The following SCFD2 variants were observed in gnomAD, a reference collection of about 807,000 sequenced individuals.
SCFD2 encodes the protein sec1 family domain-containing protein 2.
Under a neutral mutation model 58.9 loss-of-function variants are expected in SCFD2, and 54 were observed. The observed-to-expected ratio is 0.92, with a 90% CI of 0.74 to 1.15. The LOEUF is 1.15. Among genes scored for constraint, SCFD2 ranks in the 50% most tolerant of loss-of-function variants. The pLI is 0.00. For missense variants in SCFD2, 805 were observed against 836.6 expected (o/e 0.96, Z 0.47); for synonymous variants, 321 against 335.9 (o/e 0.96, Z 0.49).
At chr4:53,005,407 A>G (rs921349424) in intron 5 of SCFD2, among the ~76,000 whole-genome samples, 5 of 152,204 alleles carry the variant, frequency 3.3e-5, no homozygotes, top group African/African-American at 1.2e-4. Context: ...CTGCTCAGCA[A>G]AGAACAAGAG....
At chr4:53,282,753 A>G (rs2149078333) in intron 3 of SCFD2, among the ~76,000 whole-genome samples, 1 of 152,338 alleles carries the variant, frequency 6.6e-6, no homozygotes, top group East Asian at 1.9e-4. Flanking sequence ...ATAATATTCA[A>G]GTAAATTCAG....
intron 2 of SCFD2, among the ~76,000 whole-genome samples, chr4:53,314,445 C>A (rs1732795742): frequency 6.6e-6 from 1 of 152,312 alleles, no homozygotes; most frequent in East Asian, 1.9e-4. Flanking sequence ...CTGTCTCACC[C>A]AACATGCTAT....
chr4:53,167,947 T>C (rs1178832724), intron 4 of SCFD2, among the ~76,000 whole-genome samples: 2 of 152,214 alleles, frequency 1.3e-5, no homozygotes, highest in African/African-American at 4.8e-5. Flanking sequence ...TGGAGTAATA[T>C]GAGGCTGGAT....
chr4:53,244,548 G>A (rs1730001924), intron 4 of SCFD2, among the ~76,000 whole-genome samples: 1 of 152,196 alleles, frequency 6.6e-6, no homozygotes, highest in African/African-American at 2.4e-5. Flanking sequence ...AAACTAATGA[G>A]AATAAAGATA....
At chr4:53,278,801 T>C (rs1731414498) in intron 3 of SCFD2, among the ~76,000 whole-genome samples, 1 of 149,542 alleles carries the variant, frequency 6.7e-6, no homozygotes, top group Non-Finnish European at 1.5e-5. Flanking sequence ...TAGGTATAAA[T>C]CACGACAGCA....
At chr4:53,062,130 G>C (rs1284707121) in intron 5 of SCFD2, among the ~76,000 whole-genome samples, 23 of 151,784 alleles carry the variant, frequency 1.5e-4, no homozygotes, top group Non-Finnish European at 2.8e-4. Context: ...CCAGCAATTT[G>C]GGAGCCTGAG....
rs533860952 is a variant in SCFD2 at position 53,302,272 on chromosome 4, T to C, written c.1135+11364A>G. 2.6e-5 allele frequency among the ~76,000 whole-genome samples: 4 copies of C among 152,284 alleles called. No homozygotes were observed. The South Asian group carries it at 8.3e-4, about 32-fold the overall frequency. On this transcript the variant is annotated intron_variant, in intron 3 of 8. Coordinates refer to ENST00000401642, the MANE Select transcript of SCFD2 (RefSeq NM_152540.4). Reference sequence around the variant, plus strand: ...GCAAAGTCTCAGGATACAAAATCAATGTGCAAAAATCACAAGCATTCTTAT... The same window carrying C: ...GCAAAGTCTCAGGATACAAAATCAACGTGCAAAAATCACAAGCATTCTTAT...
intron 3 of SCFD2, among the ~76,000 whole-genome samples, chr4:53,288,139 G>C (rs1480079066): frequency 7.9e-5 from 12 of 151,856 alleles, no homozygotes; most frequent in African/African-American, 2.7e-4. Flanking sequence ...CAGCAGACCA[G>C]ATCAAGCAGA....
intron 5 of SCFD2, among the ~76,000 whole-genome samples, chr4:52,929,767 A>G (rs999731312): frequency 1.3e-5 from 2 of 152,164 alleles, no homozygotes; most frequent in Non-Finnish European, 2.9e-5. Flanking sequence ...AAGCATTGCT[A>G]CAAAAAGAAT....
At chr4:53,280,991 G>A (rs1731490146) in intron 3 of SCFD2, among the ~76,000 whole-genome samples, 1 of 152,154 alleles carries the variant, frequency 6.6e-6, no homozygotes, top group Non-Finnish European at 1.5e-5. Context: ...GCTACAAGAG[G>A]AATTGAGTAC....
At chr4:53,056,897 T>A (rs1397378842) in intron 5 of SCFD2, among the ~76,000 whole-genome samples, 2 of 152,016 alleles carry the variant, frequency 1.3e-5, no homozygotes, top group Non-Finnish European at 2.9e-5. Flanking sequence ...GACAAAAATA[T>A]CACAGGTTGG....
chr4:53,063,778 A>G (rs1343010762), intron 5 of SCFD2, among the ~76,000 whole-genome samples: 3 of 152,174 alleles, frequency 2.0e-5, no homozygotes, highest in African/African-American at 7.2e-5. Context: ...TTAATCACTA[A>G]AAGTAGATTC....
chr4:53,111,213 C>T (rs139140488), intron 5 of SCFD2, among the ~76,000 whole-genome samples: 1,725 of 152,064 alleles, frequency 0.011, 17 homozygotes, highest in Middle Eastern at 0.034. Context: ...GGAGGGATTG[C>T]AATAGGAGAA....
chr4:53,044,911 C>CG (rs1190806888), intron 5 of SCFD2, among the ~76,000 whole-genome samples: 7 of 11,408 alleles, frequency 6.1e-4, no homozygotes, highest in East Asian at 0.011. Context: ...CCCCAACCCC[C>CG]CCCCCCCGCC....
At chr4:52,987,778 G>T (rs542727059) in intron 5 of SCFD2, among the ~76,000 whole-genome samples, 1 of 152,208 alleles carries the variant, frequency 6.6e-6, no homozygotes, top group South Asian at 2.1e-4. Context: ...GATGGCAATG[G>T]TACACACAAC....
Position 53,281,947 on chromosome 4 carries a change from C to T in SCFD2, c.1136-7946G>A, listed in dbSNP as rs553122386. On this transcript the variant is annotated intron_variant, in intron 3 of 8. Coordinates refer to ENST00000401642, the MANE Select transcript of SCFD2 (RefSeq NM_152540.4). ...ATAGCATTTCTATTTTATTCCATAACCATAGTAAATTACGGTATTACTAAA... is the reference window on the plus strand; with the variant it reads ...ATAGCATTTCTATTTTATTCCATAATCATAGTAAATTACGGTATTACTAAA... 1.2e-4 allele frequency among the ~76,000 whole-genome samples: 19 copies of T among 152,254 alleles called. No homozygotes were observed. The South Asian group carries it at 3.9e-3, about 32-fold the overall frequency.
At chr4:52,911,196 G>A (rs139986653) in intron 6 of SCFD2, among the ~76,000 whole-genome samples, 130 of 152,344 alleles carry the variant, frequency 8.5e-4, no homozygotes, top group Non-Finnish European at 1.7e-3. Flanking sequence ...TCTGTGCAAG[G>A]CACAGTGTAT....
chr4:53,358,914 C>T (rs1734473889), intron 1 of SCFD2, among the ~76,000 whole-genome samples: 1 of 152,178 alleles, frequency 6.6e-6, no homozygotes, highest in Non-Finnish European at 1.5e-5. Flanking sequence ...AGATGGGCAT[C>T]AGTGGCCATT....
rs146951437 is a variant in SCFD2, at chr4:53,112,227, A to C, written c.1561+33106T>G. On this transcript the variant is annotated intron_variant, in intron 5 of 8. Coordinates refer to ENST00000401642, the MANE Select transcript of SCFD2 (RefSeq NM_152540.4). The stretch of plus-strand genomic sequence containing the variant: ...CCAAATGAATGCCTGAAGGAAAACG[A>C]AGGGAAAAGAGAATGAAAGGTGGAG... 2.9e-4 allele frequency among the ~76,000 whole-genome samples: 44 copies of C among 152,256 alleles called. No individual in the cohort carries two copies. The East Asian group carries it at 8.3e-3, about 29-fold the overall frequency.
Sources: allele counts gnomAD v4.1 joint callset (sites outside exome capture counted in the v4.1 genomes callset), GRCh38; gene constraint gnomAD v4.1.1; transcripts MANE v1.5; gene names NCBI Gene and HGNC (gene_info 2026-07-23, HGNC 2026-07-21).